The following CASZ1 variants were observed in gnomAD, a reference collection of about 807,000 sequenced individuals.
CASZ1 encodes the protein zinc finger protein castor homolog 1.
Under a neutral mutation model 135.2 loss-of-function variants are expected in CASZ1, and 28 were observed. The ratio of observed to expected loss-of-function variants is 0.21; its 90% CI spans 0.15 to 0.28. CASZ1 has a LOEUF of 0.28. CASZ1 is among the 10% of genes least tolerant of loss of function. The pLI is 1.00. For missense variants in CASZ1, 2,161 were observed against 2,453.3 expected (o/e 0.88, Z 2.52); for synonymous variants, 1,068 against 1,073.4 (o/e 0.99, Z 0.10).
chr1:10,690,612 T>C (rs1424405188), intron 4 of CASZ1, among the ~76,000 whole-genome samples: 1 of 152,140 alleles, frequency 6.6e-6, no homozygotes, highest in African/African-American at 2.4e-5. Context: ...CTTCCTCCCA[T>C]TGACCCGCCT....
At chr1:10,728,244 G>A (rs1323090420) in intron 2 of CASZ1, among the ~76,000 whole-genome samples, 1 of 152,180 alleles carries the variant, frequency 6.6e-6, no homozygotes, top group South Asian at 2.1e-4. Context: ...GCCATCAACT[G>A]GGCACCTCTG....
intron 2 of CASZ1, among the ~76,000 whole-genome samples, chr1:10,743,837 A>C (rs545696586): frequency 1.4e-5 from 2 of 146,036 alleles, no homozygotes; most frequent in South Asian, 4.6e-4. Flanking sequence ...GAAGCGAGGG[A>C]AATTGTTGAG....
At position 10,719,188 on chromosome 1, in the gene CASZ1, G is replaced by A. The variant is rs1639451449; in HGVS notation, c.-76-13644C>T. ...CCGCTTCCGGCTCCCTAAGTGCTGG[G>A]ATTACAGGCGTGAGCCACCGCACCC... On this transcript the variant is annotated intron_variant, in intron 2 of 20. Coordinates refer to ENST00000377022, the MANE Select transcript of CASZ1 (RefSeq NM_001079843.3). The surrounding 1 kb of genome is among the most constrained non-coding windows in gnomAD (Gnocchi z 4.0). Among the ~76,000 whole-genome samples, 2 of 152,206 alleles carry A rather than the reference G, an allele frequency of 1.3e-5. No individual in the cohort carries two copies. The highest frequency in any genetic ancestry group is 1.5e-5 in the Non-Finnish European group (1 of 68,046).
At chr1:10,641,431 C>T (rs1038126984) in intron 20 of CASZ1, among the ~76,000 whole-genome samples, 1 of 152,150 alleles carries the variant, frequency 6.6e-6, no homozygotes, top group Non-Finnish European at 1.5e-5. Flanking sequence ...GGTGTCTACG[C>T]TCAAGGGAGG....
At chr1:10,714,427 G>A (rs373947355) in intron 2 of CASZ1, among the ~76,000 whole-genome samples, 95 of 152,342 alleles carry the variant, frequency 6.2e-4, no homozygotes, top group Admixed American at 1.8e-3. Context: ...ACTCAGACTC[G>A]GCAGTGGCTC....
chr1:10,640,082 G>A, intron 20 of CASZ1, 23 bp from the exon 21 acceptor site: 3 of 1,586,370 alleles, frequency 1.9e-6, no homozygotes, highest in South Asian at 2.2e-5. Context: ...AGGGAGGTCA[G>A]TGCAGAAGAG....
Position 10,739,640 on chromosome 1 carries a change from A to G in CASZ1, c.-77+21061T>C, listed in dbSNP as rs1234954390. On this transcript the variant is annotated intron_variant, in intron 2 of 20. Coordinates refer to ENST00000377022, the MANE Select transcript of CASZ1 (RefSeq NM_001079843.3). The surrounding 1 kb of genome is among the most constrained non-coding windows in gnomAD (Gnocchi z 4.8). ...CGTTGATCAAAACAACAGGGCCACC[A>G]GCTCCTCAAGAGTCCAAGCTATAGT... Among the ~76,000 whole-genome samples the G allele has an allele frequency of 1.3e-5, 2 of 152,194 alleles. No individual in the cohort carries two copies. The highest frequency in any genetic ancestry group is 1.3e-4 in the Admixed American group (2 of 15,282).
rs755843917 is a variant in CASZ1 at position 10,653,976 on chromosome 1, C to T, written c.2081G>A (p.Arg694His). The T allele has an allele frequency of 1.5e-5, 24 of 1,613,964 alleles. No individual in the cohort carries two copies. Among genetic ancestry groups the T allele is most frequent in the Non-Finnish European group, 1.9e-5 (23 of 1,179,916 alleles). The change falls in exon 11 of 21, where the codon CGC (arginine) becomes CAC (histidine). Residue 694 changes from arginine (R) to histidine (H), a missense_variant. By Grantham distance (29) the Arg-to-His change is conservative. Coordinates refer to ENST00000377022, the MANE Select transcript of CASZ1 (RefSeq NM_001079843.3). ...CGCGCCCGAGGAGCGGATGTGCCGG[C>T]GCTCATGCTTGCGCTTGTGAGAGGT... ...QMTSHKRKHERRHIRSSGALG... is the reference protein window; with the variant it reads ...QMTSHKRKHEHRHIRSSGALG...
In CASZ1 at chr1:10,638,235, A is replaced by AG. The variant is rs1557448997; in HGVS notation, c.*706dup. 6.6e-6 allele frequency: 1 copy of AG among 152,352 alleles called. No individual in the cohort carries two copies. Among genetic ancestry groups the AG allele is most frequent in the Non-Finnish European group, 1.5e-5 (1 of 68,018 alleles). 9.4% of individuals were successfully genotyped at this position (152,352 alleles called of 1,614,324 possible). A position where few individuals can be genotyped will look rare whatever the true frequency, so the allele number is the denominator to read the frequency against. Reference sequence around the variant, plus strand: ...GCGCATCCTTCCTGTTTGCACCACCAGGGTGGCCGAGACCCCGCCCCGGCC... The same window carrying AG: ...GCGCATCCTTCCTGTTTGCACCACCAGGGGTGGCCGAGACCCCGCCCCGGCC... On this transcript the variant is annotated 3_prime_UTR_variant, in exon 21 of 21. Transcript: ENST00000377022. The surrounding 1 kb of genome is among the most constrained non-coding windows in gnomAD (Gnocchi z 5.9).
At chr1:10,689,975 C>A (rs1427767614) in intron 4 of CASZ1, among the ~76,000 whole-genome samples, 1 of 152,232 alleles carries the variant, frequency 6.6e-6, no homozygotes, top group African/African-American at 2.4e-5. Flanking sequence ...CTCCTTTCTG[C>A]CAAGATGGCC....
chr1:10,710,674 C>T (rs1639268038), intron 2 of CASZ1, among the ~76,000 whole-genome samples: 2 of 152,238 alleles, frequency 1.3e-5, no homozygotes, highest in Admixed American at 1.3e-4. Flanking sequence ...ACGTCGCCAA[C>T]AGATGCACAG....
chr1:10,700,914 T>G lies in CASZ1; in HGVS notation c.-24+4578A>C, dbSNP rs371091176. Among the ~76,000 whole-genome samples, 1 of 152,188 alleles carries G rather than the reference T, an allele frequency of 6.6e-6. No individual in the cohort carries two copies. Among genetic ancestry groups the G allele is most frequent in the Non-Finnish European group, 1.5e-5 (1 of 68,034 alleles). On this transcript the variant is annotated intron_variant, in intron 3 of 20. Transcript: ENST00000377022. This position sits in a 1 kb window ranked among gnomAD's most constrained non-coding sequence, Gnocchi z 4.2. ...TGAATTTTATGGTATATGAATGATATCTCAATAAAGCGGTTATTAAAAAGT... is the reference window on the plus strand; with the variant it reads ...TGAATTTTATGGTATATGAATGATAGCTCAATAAAGCGGTTATTAAAAAGT...
At chr1:10,644,574 T>G (rs564177194) in intron 18 of CASZ1, among the ~76,000 whole-genome samples, 1 of 152,186 alleles carries the variant, frequency 6.6e-6, no homozygotes, top group Non-Finnish European at 1.5e-5. Context: ...GCAAAGAACG[T>G]TGAACTCCTA....
At chr1:10,704,671 G>T (rs948798901) in intron 3 of CASZ1, 3 of 152,282 alleles carry the variant, frequency 2.0e-5, no homozygotes, top group Non-Finnish European at 4.4e-5. Context: ...CCAGGCGCAC[G>T]GTGCCGTGTC....
At chr1:10,722,634 T>C (rs1028111295) in intron 2 of CASZ1, among the ~76,000 whole-genome samples, 2 of 152,218 alleles carry the variant, frequency 1.3e-5, no homozygotes, top group African/African-American at 4.8e-5. Context: ...GGGGGGCAGC[T>C]AAGAGGCAGG....
Position 10,757,851 on chromosome 1 carries a change from G to A in CASZ1, c.-77+2850C>T, listed in dbSNP as rs570321654. Among the ~76,000 whole-genome samples the A allele has an allele frequency of 4.6e-5, 7 of 151,906 alleles. No individual in the cohort carries two copies. Among genetic ancestry groups the A allele is most frequent in the Non-Finnish European group, 7.4e-5 (5 of 67,980 alleles). On this transcript the variant is annotated intron_variant, in intron 2 of 20. Transcript: ENST00000377022. This position sits in a 1 kb window ranked among gnomAD's most constrained non-coding sequence, Gnocchi z 4.6. ...TACCTCTGGCTCAAAACCCTCCAGCGGCTTCCTATCACCTAAGCATAAAAT... is the reference window on the plus strand; with the variant it reads ...TACCTCTGGCTCAAAACCCTCCAGCAGCTTCCTATCACCTAAGCATAAAAT...
In CASZ1 at chr1:10,666,064, G is replaced by A. The variant is rs1408837020; in HGVS notation, c.17-493C>T. Among the ~76,000 whole-genome samples the A allele has an allele frequency of 6.6e-6, 1 of 152,122 alleles. No individual in the cohort carries two copies. Among genetic ancestry groups the A allele is most frequent in the Non-Finnish European group, 1.5e-5 (1 of 68,012 alleles). On this transcript the variant is annotated intron_variant, in intron 4 of 20. Coordinates refer to ENST00000377022, the MANE Select transcript of CASZ1 (RefSeq NM_001079843.3). The surrounding 1 kb of genome is among the most constrained non-coding windows in gnomAD (Gnocchi z 5.2). ...TCCTGCCTTACCACACGTTCCTGGG[G>A]AGGAGTCACAGAGAGCCAGGGACCA...
At chr1:10,782,365 C>T (rs1335206849) in intron 1 of CASZ1, among the ~76,000 whole-genome samples, 1 of 152,236 alleles carries the variant, frequency 6.6e-6, no homozygotes, top group Non-Finnish European at 1.5e-5. Flanking sequence ...TCCATGAACC[C>T]TCAACATCGA....
chr1:10,725,730 T>C lies in CASZ1; in HGVS notation c.-76-20186A>G, dbSNP rs978543570. ...TTCTGGAAAGCCCTTTTTTTTTTTT[T>C]ACTAGGAGACCCCAGAGAGGATGAT... On this transcript the variant is annotated intron_variant, in intron 2 of 20. Coordinates refer to ENST00000377022, the MANE Select transcript of CASZ1 (RefSeq NM_001079843.3). The surrounding 1 kb of genome is among the most constrained non-coding windows in gnomAD (Gnocchi z 4.4). Among the ~76,000 whole-genome samples, 26 of 151,480 alleles carry C rather than the reference T, an allele frequency of 1.7e-4. No individual in the cohort carries two copies. Among genetic ancestry groups the C allele is most frequent in the Admixed American group, 5.9e-4 (9 of 15,246 alleles).
Sources: allele counts gnomAD v4.1 joint callset (sites outside exome capture counted in the v4.1 genomes callset), GRCh38; gene constraint gnomAD v4.1.1; non-coding constraint Gnocchi (gnomAD v3.1); transcripts MANE v1.5; gene names NCBI Gene and HGNC (gene_info 2026-07-23, HGNC 2026-07-21).